Variants in DLG2 observed in about 807,000 individuals in gnomAD.
DLG2 encodes the protein disks large homolog 2.
Under a neutral mutation model 132.5 loss-of-function variants are expected in DLG2, and 45 were observed. The ratio of observed to expected loss-of-function variants is 0.34; its 90% CI spans 0.27 to 0.44. DLG2 has a LOEUF of 0.44. DLG2 is among the 20% of genes least tolerant of loss of function. DLG2 has a pLI of 1.00. For synonymous variants in DLG2, 424 were observed against 419.6 expected, an observed-to-expected ratio of 1.01 and a Z score of -0.13; for missense variants, 1,045 against 1,196.9, an observed-to-expected ratio of 0.87 and a Z score of 1.87.
At chr11:84,307,502 C>T (rs1398843504) in intron 7 of DLG2, among the ~76,000 whole-genome samples, 1 of 152,128 alleles carries the variant, frequency 6.6e-6, no homozygotes, top group Non-Finnish European at 1.5e-5. Context: ...CCAGACCATC[C>T]TGGCTAACAC....
chr11:83,607,061 G>A (rs1297219171), intron 19 of DLG2, among the ~76,000 whole-genome samples: 1 of 152,248 alleles, frequency 6.6e-6, no homozygotes, highest in African/African-American at 2.4e-5. Context: ...GCAGCCACAT[G>A]GTGGCATAAG....
chr11:85,080,323 T>A (rs912778840), intron 6 of DLG2, among the ~76,000 whole-genome samples: 1 of 152,116 alleles, frequency 6.6e-6, no homozygotes, highest in Non-Finnish European at 1.5e-5. Context: ...TTTTCACTGA[T>A]TTTGTAAGCT....
intron 19 of DLG2, among the ~76,000 whole-genome samples, chr11:83,559,054 G>A (rs2096568179): frequency 1.3e-5 from 2 of 152,178 alleles, no homozygotes; most frequent in South Asian, 4.2e-4. Context: ...CCAATCATGG[G>A]GAACCAGACA....
At chr11:83,573,491 G>A (rs1354172159) in intron 19 of DLG2, among the ~76,000 whole-genome samples, 1 of 152,064 alleles carries the variant, frequency 6.6e-6, no homozygotes, top group African/African-American at 2.4e-5. Flanking sequence ...TGATTCTGAT[G>A]AATAATGCAA....
At chr11:85,529,354 C>A (rs928845135) in intron 3 of DLG2, among the ~76,000 whole-genome samples, 4 of 152,164 alleles carry the variant, frequency 2.6e-5, no homozygotes, top group African/African-American at 7.2e-5. Flanking sequence ...TTTATTGCTG[C>A]ACCATTATCC....
chr11:84,742,120 C>T (rs1022866257), intron 6 of DLG2, among the ~76,000 whole-genome samples: 1 of 150,396 alleles, frequency 6.6e-6, no homozygotes, highest in African/African-American at 2.4e-5. Flanking sequence ...CACAGGCAGA[C>T]AAGAAAAAAA....
intron 7 of DLG2, among the ~76,000 whole-genome samples, chr11:84,514,571 T>G (rs1399660652): frequency 6.6e-6 from 1 of 151,996 alleles, no homozygotes. Flanking sequence ...CATCACATGT[T>G]CTCACTTATT....
rs140402175 is a variant in DLG2, at chr11:85,417,439, C to T, written c.41-132074G>A. On this transcript the variant is annotated intron_variant, in intron 3 of 27. Transcript: ENST00000376104. ...GTGTGTCTCTGCCAGGCTTTGGTAT[C>T]AGGATGATGCTGGCCTCATCAAATG... Among the ~76,000 whole-genome samples, 1,486 of 152,248 alleles carry T rather than the reference C, an allele frequency of 9.8e-3. 32 individuals are homozygous for T. Among genetic ancestry groups the T allele is most frequent in the African/African-American group, 0.034 (1,430 of 41,548 alleles).
chr11:85,546,085 G>T (rs1598417166), intron 3 of DLG2, among the ~76,000 whole-genome samples: 1 of 151,940 alleles, frequency 6.6e-6, no homozygotes, highest in Admixed American at 6.6e-5. Flanking sequence ...GTGATGGTAG[G>T]GTGTTGATTT....
At chr11:84,444,752 A>G (rs1457476433) in intron 7 of DLG2, among the ~76,000 whole-genome samples, 1 of 151,856 alleles carries the variant, frequency 6.6e-6, no homozygotes, top group Non-Finnish European at 1.5e-5. Flanking sequence ...AAATTTGTAC[A>G]ATAGAGCACT....
chr11:83,682,578 A>C (rs2079014802), intron 18 of DLG2, among the ~76,000 whole-genome samples: 1 of 152,156 alleles, frequency 6.6e-6, no homozygotes, highest in Non-Finnish European at 1.5e-5. Flanking sequence ...AGTGAGGAGT[A>C]GGCAAAGACA....
At chr11:84,488,635 C>G (rs539521602) in intron 7 of DLG2, among the ~76,000 whole-genome samples, 1 of 152,202 alleles carries the variant, frequency 6.6e-6, no homozygotes, top group South Asian at 2.1e-4. Context: ...TTCCCCATCA[C>G]CACCTCACTG....
chr11:83,843,368 C>G (rs2058014661), intron 16 of DLG2, among the ~76,000 whole-genome samples: 1 of 152,194 alleles, frequency 6.6e-6, no homozygotes, highest in African/African-American at 2.4e-5. Context: ...CTGCTGTCCC[C>G]TCTACCCTCA....
intron 17 of DLG2, among the ~76,000 whole-genome samples, chr11:83,821,845 C>T (rs1455468846): frequency 6.6e-6 from 1 of 152,064 alleles, no homozygotes; most frequent in African/African-American, 2.4e-5. Flanking sequence ...GAATCATTTC[C>T]ATCAACATAT....
At chr11:83,851,642 C>T (rs1378788952) in intron 16 of DLG2, among the ~76,000 whole-genome samples, 3 of 148,778 alleles carry the variant, frequency 2.0e-5, no homozygotes, top group South Asian at 4.2e-4. Context: ...AAAAAAAAGG[C>T]GGGGCGTGGT....
intron 6 of DLG2, among the ~76,000 whole-genome samples, chr11:84,852,840 A>G (rs2154023334): frequency 6.6e-6 from 1 of 151,722 alleles, no homozygotes; most frequent in Non-Finnish European, 1.5e-5. Context: ...CAAAATTAAC[A>G]ACACTAGAGA....
chr11:83,897,170 C>T (rs1410672644), intron 15 of DLG2, among the ~76,000 whole-genome samples: 1 of 152,134 alleles, frequency 6.6e-6, no homozygotes, highest in African/African-American at 2.4e-5. Flanking sequence ...TGCTAGCCAG[C>T]AGAGCTAAGT....
At chr11:84,810,053 T>A (rs115356458) in intron 6 of DLG2, among the ~76,000 whole-genome samples, 1 of 152,034 alleles carries the variant, frequency 6.6e-6, no homozygotes, top group Non-Finnish European at 1.5e-5. Flanking sequence ...CTAAATCTTA[T>A]GATATAAAAT....
rs1213812731 is a variant in DLG2 at position 83,467,810 on chromosome 11, T to TAC, written c.2620-995_2620-994dup. ...ATATATATATATATATATATATATATACACACACACATATAAAATATATAA... is the reference window on the plus strand; with the variant it reads ...ATATATATATATATATATATATATATACACACACACACATATAAAATATATAA... On this transcript the variant is annotated intron_variant, in intron 25 of 27. Coordinates refer to ENST00000376104, the MANE Select transcript of DLG2 (RefSeq NM_001142699.3). Among the ~76,000 whole-genome samples, 324 of 96,226 alleles carry TAC rather than the reference T, an allele frequency of 3.4e-3. 4 individuals carry two copies. The highest frequency in any genetic ancestry group is 0.017 in the East Asian group (54 of 3,150). The allele number at this position is 96,226 out of a possible 152,430, so 63.1% of individuals were successfully genotyped here. A position where few individuals can be genotyped will look rare whatever the true frequency, so the allele number is the denominator to read the frequency against.
Sources: gnomAD v4.1 joint callset for allele counts (sites outside exome capture counted in the v4.1 genomes callset) on GRCh38, gnomAD v4.1.1 for gene constraint, MANE v1.5 for transcripts, NCBI Gene and HGNC (gene_info 2026-07-23, HGNC 2026-07-21) for gene names.